Variants in NRG3 observed in about 807,000 individuals in gnomAD.
The protein encoded by NRG3 is pro-neuregulin-3, membrane-bound isoform.
Under a neutral mutation model 66.9 loss-of-function variants are expected in NRG3, and 31 were observed. The observed-to-expected ratio is 0.46, with a 90% CI of 0.35 to 0.63. The LOEUF (loss-of-function observed/expected upper bound fraction) is 0.63, where lower values mean the gene tolerates loss of function less well. Ranked by LOEUF, NRG3 falls within the 20% of genes least tolerant of loss-of-function variation. The pLI is 0.00. For synonymous variants in NRG3, 393 were observed against 359.4 expected, an observed-to-expected ratio of 1.09 and a Z score of -1.06; for missense variants, 910 against 878.9, an observed-to-expected ratio of 1.04 and a Z score of -0.45.
chr10:82,655,864 AACAC>A (rs1290753127), intron 2 of NRG3, among the ~76,000 whole-genome samples: 1 of 152,174 alleles, frequency 6.6e-6, no homozygotes, highest in Non-Finnish European at 1.5e-5. Flanking sequence ...TATAGGACTA[AACAC>A]ACACAAACAA....
intron 1 of NRG3, among the ~76,000 whole-genome samples, chr10:82,008,493 T>C (rs571725166): frequency 6.6e-6 from 1 of 152,320 alleles, no homozygotes; most frequent in South Asian, 2.1e-4. Context: ...TGTCCCTATT[T>C]GGAAGGTATT....
chr10:82,549,744 T>C (rs990978009), intron 2 of NRG3, among the ~76,000 whole-genome samples: 3 of 152,130 alleles, frequency 2.0e-5, no homozygotes, highest in African/African-American at 7.2e-5. Context: ...TGTTGGATAA[T>C]TAGTTTTCTG....
At chr10:82,928,089 G>A (rs1847190048) in intron 4 of NRG3, among the ~76,000 whole-genome samples, 1 of 152,162 alleles carries the variant, frequency 6.6e-6, no homozygotes, top group Non-Finnish European at 1.5e-5. Context: ...TTTCTCTAAT[G>A]ACCAGTGATG....
intron 3 of NRG3, among the ~76,000 whole-genome samples, chr10:82,837,549 A>C: frequency 6.6e-6 from 1 of 152,200 alleles, no homozygotes; most frequent in East Asian, 1.9e-4. Flanking sequence ...AGGGAAGTTA[A>C]CGATCACTAC....
At chr10:82,694,124 T>C (rs996528813) in intron 2 of NRG3, among the ~76,000 whole-genome samples, 17 of 152,188 alleles carry the variant, frequency 1.1e-4, no homozygotes, top group Non-Finnish European at 2.4e-4. Context: ...AGAGTGCTGA[T>C]GGATGCATTT....
At chr10:82,467,658 G>A (rs564783118) in intron 2 of NRG3, among the ~76,000 whole-genome samples, 10 of 152,236 alleles carry the variant, frequency 6.6e-5, no homozygotes, top group African/African-American at 1.7e-4. Flanking sequence ...GGAATAGTAG[G>A]GCACTCACTG....
chr10:82,026,879 A>G (rs140766776), intron 1 of NRG3, among the ~76,000 whole-genome samples: 3 of 152,086 alleles, frequency 2.0e-5, no homozygotes, highest in African/African-American at 7.2e-5. Context: ...GTTGTTCCCA[A>G]GCAGAAAGGT....
intron 1 of NRG3, among the ~76,000 whole-genome samples, chr10:82,330,093 G>A (rs1397284899): frequency 6.6e-6 from 1 of 152,156 alleles, no homozygotes; most frequent in Non-Finnish European, 1.5e-5. Flanking sequence ...TCCAAAATCT[G>A]TGTCTGTAGT....
At chr10:82,518,806 G>C (rs149490181) in intron 2 of NRG3, among the ~76,000 whole-genome samples, 1 of 151,954 alleles carries the variant, frequency 6.6e-6, no homozygotes, top group East Asian at 1.9e-4. Flanking sequence ...GCATGCTCAC[G>C]TTCAAAAAAT....
At chr10:82,523,350 T>C (rs948618515) in intron 2 of NRG3, among the ~76,000 whole-genome samples, 7 of 152,192 alleles carry the variant, frequency 4.6e-5, no homozygotes, top group Non-Finnish European at 7.4e-5. Flanking sequence ...TTTTCCAAAG[T>C]GGCTGCACCA....
At chr10:82,405,801 T>A (rs998270754) in intron 2 of NRG3, among the ~76,000 whole-genome samples, 1 of 152,198 alleles carries the variant, frequency 6.6e-6, no homozygotes, top group African/African-American at 2.4e-5. Flanking sequence ...TTAGAAAGAT[T>A]ATTAAAATAT....
chr10:82,662,860 T>C (rs978755976), intron 2 of NRG3, among the ~76,000 whole-genome samples: 2 of 152,186 alleles, frequency 1.3e-5, no homozygotes, highest in South Asian at 2.1e-4. Context: ...TTTAACTTTA[T>C]ACCTTGTCCT....
At chr10:82,923,066 G>A (rs1338094037) in intron 4 of NRG3, among the ~76,000 whole-genome samples, 1 of 152,090 alleles carries the variant, frequency 6.6e-6, no homozygotes, top group Non-Finnish European at 1.5e-5. Flanking sequence ...TTGACCAAAG[G>A]TCATCCCCTT....
At chr10:82,426,362 G>T (rs1352843461) in intron 2 of NRG3, among the ~76,000 whole-genome samples, 1 of 151,958 alleles carries the variant, frequency 6.6e-6, no homozygotes, top group Non-Finnish European at 1.5e-5. Context: ...TATGACTGTT[G>T]TTGTCTCCAA....
chr10:82,545,377 A>ATT (rs745968047), intron 2 of NRG3, among the ~76,000 whole-genome samples: 1,317 of 130,938 alleles, frequency 0.01, 44 homozygotes, highest in African/African-American at 0.035. Context: ...TGCTAATAGC[A>ATT]TTTTTTTTTT....
intron 1 of NRG3, among the ~76,000 whole-genome samples, chr10:82,191,311 ATAATGTC>A: frequency 6.6e-6 from 1 of 152,186 alleles, no homozygotes. Flanking sequence ...ATAAAATGAT[ATAATGTC>A]AGCTCAGGCA....
In NRG3 at chr10:82,764,601, G is replaced by A. The variant is rs144968070; in HGVS notation, c.1027+25951G>A. On this transcript the variant is annotated intron_variant, in intron 3 of 8. Coordinates refer to ENST00000372141, the MANE Select transcript of NRG3 (RefSeq NM_001010848.4). ...AAGTCTCGAACTCCTGACCTCAGGT[G>A]ATCCGCCCACCTCAGCCTCCCAAAG... Among the ~76,000 whole-genome samples the A allele has an allele frequency of 1.7e-4, 26 of 151,696 alleles. No homozygotes were observed. In the East Asian group the frequency reaches 2.4e-3, roughly 14 times the overall value.
At position 82,682,394 on chromosome 10, in the gene NRG3, T is replaced by TAGAC. The variant is rs1241051441; in HGVS notation, c.954-56179_954-56176dup. On this transcript the variant is annotated intron_variant, in intron 2 of 8. Coordinates refer to ENST00000372141, the MANE Select transcript of NRG3 (RefSeq NM_001010848.4). ...AGATAGATGATAGGTAGATAGTAGATAGACAGATAGATAGATAGATAGATA... is the reference window on the plus strand; with the variant it reads ...AGATAGATGATAGGTAGATAGTAGATAGACAGACAGATAGATAGATAGATAGATA... Among the ~76,000 whole-genome samples the TAGAC allele has an allele frequency of 3.4e-3, 448 of 133,260 alleles. 4 individuals carry two copies. Among genetic ancestry groups the TAGAC allele is most frequent in the African/African-American group, 0.012 (423 of 36,000 alleles). 87.4% of individuals were successfully genotyped at this position (133,260 alleles called of 152,430 possible).
chr10:82,057,268 A>G (rs1358816450), intron 1 of NRG3, among the ~76,000 whole-genome samples: 1 of 151,616 alleles, frequency 6.6e-6, no homozygotes, highest in Non-Finnish European at 1.5e-5. Flanking sequence ...TTGGTTCTTT[A>G]TCAAATACGT....
Sources: allele counts gnomAD v4.1 joint callset (sites outside exome capture counted in the v4.1 genomes callset), GRCh38; gene constraint gnomAD v4.1.1; transcripts MANE v1.5; gene names NCBI Gene and HGNC (gene_info 2026-07-23, HGNC 2026-07-21).